ALK: variants seen among roughly 807,000 people sequenced by gnomAD.
ALK encodes the protein ALK tyrosine kinase receptor.
Under a neutral mutation model 163.1 loss-of-function variants are expected in ALK, and 74 were observed. The ratio of observed to expected loss-of-function variants is 0.45; its 90% CI spans 0.38 to 0.55. ALK has a LOEUF of 0.55. ALK is among the 20% of genes least tolerant of loss of function. The pLI is 0.00. For synonymous variants in ALK, 960 were observed against 843.2 expected (o/e 1.14, Z -2.40); for missense variants, 2,063 against 2,105.3 (o/e 0.98, Z 0.39).
chr2:29,523,394 C>T (rs543780632), intron 4 of ALK, among the ~76,000 whole-genome samples: 1 of 152,286 alleles, frequency 6.6e-6, no homozygotes, highest in East Asian at 1.9e-4. Flanking sequence ...CAACTCCAAA[C>T]CTTGTTCTGA....
At chr2:29,582,771 G>A (rs1674746387) in intron 3 of ALK, among the ~76,000 whole-genome samples, 1 of 152,032 alleles carries the variant, frequency 6.6e-6, no homozygotes, top group Non-Finnish European at 1.5e-5. Flanking sequence ...GAAAGAGACA[G>A]AGACGGAACC....
At chr2:29,474,927 C>T (rs549116288) in intron 4 of ALK, among the ~76,000 whole-genome samples, 23 of 152,282 alleles carry the variant, frequency 1.5e-4, no homozygotes, top group African/African-American at 5.5e-4. Context: ...GCCTGGCTGC[C>T]ACACCTGCTG....
chr2:29,571,414 T>G (rs1431141692), intron 3 of ALK, among the ~76,000 whole-genome samples: 2 of 152,126 alleles, frequency 1.3e-5, no homozygotes, highest in Non-Finnish European at 2.9e-5. Context: ...GTTCTTGTGA[T>G]AGTGAGTTCT....
Position 29,534,873 on chromosome 2 carries a change from T to G in ALK, c.953-2757A>C, listed in dbSNP as rs574459491. On this transcript the variant is annotated intron_variant, in intron 3 of 28. Transcript: ENST00000389048. ...GACTGGAAGATTTTTCCAGTTCTAA[T>G]ATGTGAGATGATGTTTATATGAATC... 2.0e-5 allele frequency among the ~76,000 whole-genome samples: 3 copies of G among 152,308 alleles called. No homozygotes were observed. The East Asian group carries it at 5.8e-4, about 29-fold the overall frequency.
chr2:29,630,879 C>T (rs1676348716), intron 3 of ALK, among the ~76,000 whole-genome samples: 1 of 152,168 alleles, frequency 6.6e-6, no homozygotes, highest in Admixed American at 6.5e-5. Flanking sequence ...AGCCATTGTT[C>T]ATGAAGATCC....
At chr2:29,855,354 C>A (rs188862983) in intron 1 of ALK, among the ~76,000 whole-genome samples, 1 of 152,138 alleles carries the variant, frequency 6.6e-6, no homozygotes, top group Admixed American at 6.5e-5. Context: ...CTGTACAGGG[C>A]TGCCACCCTG....
chr2:29,754,085 A>G, intron 1 of ALK, among the ~76,000 whole-genome samples: 1 of 152,150 alleles, frequency 6.6e-6, no homozygotes, highest in Non-Finnish European at 1.5e-5. Flanking sequence ...CCAAGCCACA[A>G]GGATAATAGA....
At chr2:29,338,069 T>G (rs1010453053) in intron 5 of ALK, among the ~76,000 whole-genome samples, 1 of 151,954 alleles carries the variant, frequency 6.6e-6, no homozygotes, top group Non-Finnish European at 1.5e-5. Context: ...CTAAGGACTT[T>G]GAGAGGACCA....
chr2:29,768,713 C>CTATATGTGTGTG (rs149394341), intron 1 of ALK, among the ~76,000 whole-genome samples: 1 of 142,862 alleles, frequency 7.0e-6, no homozygotes, highest in Non-Finnish European at 1.5e-5. Flanking sequence ...TTATATATGT[C>CTATATGTGTGTG]TGTGTGTGTG....
chr2:29,233,702 G>A lies in ALK; in HGVS notation c.2356-6C>T. 6.2e-7 allele frequency: 1 copy of A among 1,614,214 alleles called. No homozygotes were observed. Among genetic ancestry groups the A allele is most frequent in the Non-Finnish European group, 8.5e-7 (1 of 1,180,032 alleles). ...TTCTGGATTAACTGGTTTGTCTGTA[G>A]AAACAAAAAGCACGTTAGGTTTGTG... On this transcript the variant is annotated splice_region_variant and splice_polypyrimidine_tract_variant and intron_variant, in intron 13 of 28. Coordinates refer to ENST00000389048, the MANE Select transcript of ALK (RefSeq NM_004304.5).
chr2:29,643,021 A>G (rs546521697), intron 3 of ALK, among the ~76,000 whole-genome samples: 2 of 152,334 alleles, frequency 1.3e-5, no homozygotes, highest in Admixed American at 1.3e-4. Flanking sequence ...TTTAGGAATA[A>G]TAATAACACC....
chr2:29,298,287 A>G (rs765279153), intron 8 of ALK, among the ~76,000 whole-genome samples: 9 of 152,182 alleles, frequency 5.9e-5, no homozygotes, highest in Non-Finnish European at 1.3e-4. Context: ...GCAAATATGC[A>G]TCTCTACTGA....
intron 3 of ALK, among the ~76,000 whole-genome samples, chr2:29,541,391 C>A (rs552433871): frequency 6.6e-6 from 1 of 152,310 alleles, no homozygotes; most frequent in Admixed American, 6.5e-5. Flanking sequence ...CATGAAGGTT[C>A]AAGCAATTCT....
At chr2:29,748,790 G>T (rs1680276031) in intron 1 of ALK, among the ~76,000 whole-genome samples, 1 of 151,922 alleles carries the variant, frequency 6.6e-6, no homozygotes, top group Non-Finnish European at 1.5e-5. Flanking sequence ...CTGTCACCCA[G>T]GCTGGAATGC....
At position 29,251,156 on chromosome 2, in the gene ALK, C is replaced by T. The variant is rs1573160519; in HGVS notation, c.2153G>A (p.Gly718Asp). The change falls in exon 12 of 29, where the codon GGC becomes GAC. Residue 718 changes from glycine (G) to aspartate (D), a missense_variant. Physicochemically the swap from Gly to Asp is moderately conservative, Grantham distance 94. Coordinates refer to ENST00000389048, the MANE Select transcript of ALK (RefSeq NM_004304.5). ...SNLSVEVGSE[G>D]PLKGIQIWKV... ...CCAGATCTGGATGCCTTTCAGGGGG[C>T]CCTCGCTCCCCACCTCCACGCTCAG... 1 of 1,614,130 alleles carries T rather than the reference C, an allele frequency of 6.2e-7. No homozygotes were observed. Among genetic ancestry groups the T allele is most frequent in the Non-Finnish European group, 8.5e-7 (1 of 1,180,006 alleles).
At chr2:29,514,603 T>G (rs968890654) in intron 4 of ALK, among the ~76,000 whole-genome samples, 1 of 152,198 alleles carries the variant, frequency 6.6e-6, no homozygotes, top group Non-Finnish European at 1.5e-5. Flanking sequence ...CTTGGATGTT[T>G]ATAAGTTTCA....
At chr2:29,786,542 A>C (rs1436221652) in intron 1 of ALK, among the ~76,000 whole-genome samples, 1 of 151,968 alleles carries the variant, frequency 6.6e-6, no homozygotes, top group Non-Finnish European at 1.5e-5. Context: ...TTGTGTAGAG[A>C]TCACCACGTG....
intron 3 of ALK, among the ~76,000 whole-genome samples, chr2:29,654,217 C>T (rs892928180): frequency 1.3e-5 from 2 of 152,040 alleles, no homozygotes; most frequent in Non-Finnish European, 2.9e-5. Flanking sequence ...AAGAGTTGGC[C>T]AAAAGGATGA....
At chr2:29,553,198 A>G (rs1459152485) in intron 3 of ALK, among the ~76,000 whole-genome samples, 1 of 152,178 alleles carries the variant, frequency 6.6e-6, no homozygotes, top group African/African-American at 2.4e-5. Context: ...CTCCACCCTC[A>G]TGAATGAATT....
Sources: allele counts gnomAD v4.1 joint callset (sites outside exome capture counted in the v4.1 genomes callset), GRCh38; gene constraint gnomAD v4.1.1; transcripts MANE v1.5; gene names NCBI Gene and HGNC (gene_info 2026-07-23, HGNC 2026-07-21).